PTPRG: variants seen among roughly 807,000 people sequenced by gnomAD.
The protein encoded by PTPRG is protein tyrosine phosphatase receptor type G.
PTPRG carries 102 observed loss-of-function variants against 165.3 expected under a neutral mutation model. The ratio of observed to expected loss-of-function variants is 0.62; its 90% CI spans 0.53 to 0.73. The LOEUF (loss-of-function observed/expected upper bound fraction) is 0.73, where lower values mean the gene tolerates loss of function less well. Among genes scored for constraint, PTPRG ranks in the 30% least tolerant of loss-of-function variants. The pLI is 0.00. For synonymous variants in PTPRG, 675 were observed against 669.5 expected, an observed-to-expected ratio of 1.01 and a Z score of -0.13; for missense variants, 1,866 against 1,861.4, an observed-to-expected ratio of 1.00 and a Z score of -0.05.
chr3:61,827,653 C>CATATAT (rs144940270), intron 2 of PTPRG, among the ~76,000 whole-genome samples: 6,772 of 151,818 alleles, frequency 0.045, 255 homozygotes, highest in East Asian at 0.2. Context: ...TGGTTGGAAG[C>CATATAT]ATATATATAT....
chr3:61,952,118 GAAA>G (rs35655816), intron 2 of PTPRG, among the ~76,000 whole-genome samples: 1,491 of 79,696 alleles, frequency 0.019, 28 homozygotes, highest in African/African-American at 0.064. Context: ...CTCCACCTCA[GAAA>G]AAAAAAAAAA....
At chr3:61,767,339 T>C (rs2107002487) in intron 2 of PTPRG, among the ~76,000 whole-genome samples, 1 of 152,218 alleles carries the variant, frequency 6.6e-6, no homozygotes, top group African/African-American at 2.4e-5. Flanking sequence ...ACTCTCATTT[T>C]GTTTTTGCTT....
chr3:61,562,471 C>T (rs1699783229), intron 1 of PTPRG, 99 bp downstream of exon 1: 5 of 1,166,386 alleles, frequency 4.3e-6, no homozygotes, highest in South Asian at 1.2e-5. Context: ...GTCCGGGAGA[C>T]CCTGGAGAGG....
At chr3:61,696,682 G>A (rs1173592400) in intron 1 of PTPRG, among the ~76,000 whole-genome samples, 1 of 152,220 alleles carries the variant, frequency 6.6e-6, no homozygotes, top group Non-Finnish European at 1.5e-5. Flanking sequence ...AACCGGATCT[G>A]AGAATTAGTC....
chr3:62,190,702 C>T lies in PTPRG; in HGVS notation c.1034-767C>T, dbSNP rs1446079907. 6.6e-6 allele frequency among the ~76,000 whole-genome samples: 1 copy of T among 152,172 alleles called. No homozygotes were observed. Among genetic ancestry groups the T allele is most frequent in the African/African-American group, 2.4e-5 (1 of 41,440 alleles). On this transcript the variant is annotated intron_variant, in intron 8 of 29. Transcript: ENST00000474889. This position sits in a 1 kb window ranked among gnomAD's most constrained non-coding sequence, Gnocchi z 5.2. ...GTCTCATCTTAAATTTATTTATTTA[C>T]ACTCGGACCTGTTTACAATAAGATT...
chr3:62,065,465 G>A (rs956793930), intron 4 of PTPRG, among the ~76,000 whole-genome samples: 13 of 152,166 alleles, frequency 8.5e-5, no homozygotes, highest in African/African-American at 3.1e-4. Flanking sequence ...TACCACCTTT[G>A]GCAGTCTTTC....
chr3:61,973,047 A>G (rs988829849), intron 2 of PTPRG, among the ~76,000 whole-genome samples: 3 of 152,152 alleles, frequency 2.0e-5, no homozygotes, highest in Non-Finnish European at 4.4e-5. Context: ...AATGAAAACA[A>G]GCTGTCCTGC....
At position 62,042,439 on chromosome 3, in the gene PTPRG, C is replaced by T. The variant is rs1700158307; in HGVS notation, c.520-35724C>T. Among the ~76,000 whole-genome samples, 5 of 152,204 alleles carry T rather than the reference C, an allele frequency of 3.3e-5. No homozygotes were observed. The South Asian group carries it at 1.0e-3, about 31-fold the overall frequency. Reference sequence around the variant, plus strand: ...CCCTTCTGAATTTAGATTTTCTGATCTTCTGACAGACTTATTTCAGGTATT... The same window carrying T: ...CCCTTCTGAATTTAGATTTTCTGATTTTCTGACAGACTTATTTCAGGTATT... On this transcript the variant is annotated intron_variant, in intron 4 of 29. Transcript: ENST00000474889.
chr3:61,915,932 C>G (rs557794623), intron 2 of PTPRG, among the ~76,000 whole-genome samples: 1 of 152,176 alleles, frequency 6.6e-6, no homozygotes, highest in Non-Finnish European at 1.5e-5. Context: ...CAAATAATTG[C>G]AGCCCATTCC....
chr3:61,601,076 A>G (rs1477604253), intron 1 of PTPRG, among the ~76,000 whole-genome samples: 1 of 152,140 alleles, frequency 6.6e-6, no homozygotes, highest in African/African-American at 2.4e-5. Context: ...CTTACATGAC[A>G]TAACCCTGTC....
At chr3:61,961,694 A>G (rs1043134885) in intron 2 of PTPRG, among the ~76,000 whole-genome samples, 1 of 152,182 alleles carries the variant, frequency 6.6e-6, no homozygotes, top group African/African-American at 2.4e-5. Flanking sequence ...TCTCAACCAG[A>G]CACTAGAACT....
chr3:61,634,390 A>G (rs1353280145), intron 1 of PTPRG, among the ~76,000 whole-genome samples: 1 of 151,878 alleles, frequency 6.6e-6, no homozygotes, highest in East Asian at 1.9e-4. Context: ...GGTGCCTACC[A>G]CCACGCCCGG....
At chr3:61,695,001 G>A (rs79204083) in intron 1 of PTPRG, among the ~76,000 whole-genome samples, 2,593 of 151,814 alleles carry the variant, frequency 0.017, 33 homozygotes, top group South Asian at 0.05. Flanking sequence ...GAACTGTTTG[G>A]CTTTTTTTCT....
chr3:61,937,131 C>G (rs2039500910), intron 2 of PTPRG, among the ~76,000 whole-genome samples: 1 of 152,192 alleles, frequency 6.6e-6, no homozygotes, highest in African/African-American at 2.4e-5. Flanking sequence ...AAGGAAATCA[C>G]TGGGGATATT....
At chr3:61,758,605 C>A (rs1209169071) in intron 2 of PTPRG, among the ~76,000 whole-genome samples, 6 of 152,206 alleles carry the variant, frequency 3.9e-5, no homozygotes, top group Non-Finnish European at 7.4e-5. Context: ...GCGTGCACCA[C>A]CACGTCTAGC....
intron 1 of PTPRG, among the ~76,000 whole-genome samples, chr3:61,622,305 T>C (rs1257628251): frequency 6.6e-6 from 1 of 152,194 alleles, no homozygotes; most frequent in Admixed American, 6.5e-5. Flanking sequence ...AAGACTTGCT[T>C]TGAAATTGCA....
chr3:62,019,082 C>A lies in PTPRG; in HGVS notation c.519+15585C>A, dbSNP rs181990879. 1.6e-4 allele frequency among the ~76,000 whole-genome samples: 24 copies of A among 152,272 alleles called. No homozygotes were observed. The East Asian group carries it at 4.2e-3, about 27-fold the overall frequency. On this transcript the variant is annotated intron_variant, in intron 4 of 29. Coordinates refer to ENST00000474889, the MANE Select transcript of PTPRG (RefSeq NM_002841.4). ...ACTGGTTACAGCTGGGGCCTCAGCA[C>A]CCAGGCTAACAGCAGGAGCTAACCA...
chr3:62,259,826 G>T (rs1038485111), intron 16 of PTPRG, among the ~76,000 whole-genome samples: 1 of 152,136 alleles, frequency 6.6e-6, no homozygotes, highest in Non-Finnish European at 1.5e-5. Context: ...TTCTTACCAA[G>T]GTAAATGGCA....
At chr3:61,636,297 A>G (rs902119407) in intron 1 of PTPRG, among the ~76,000 whole-genome samples, 3 of 152,206 alleles carry the variant, frequency 2.0e-5, no homozygotes, top group Non-Finnish European at 4.4e-5. Flanking sequence ...ATTATACCCG[A>G]AAGAAACCTT....
Sources: allele counts gnomAD v4.1 joint callset (sites outside exome capture counted in the v4.1 genomes callset), GRCh38; gene constraint gnomAD v4.1.1; non-coding constraint Gnocchi (gnomAD v3.1); transcripts MANE v1.5; gene names NCBI Gene and HGNC (gene_info 2026-07-23, HGNC 2026-07-21).